ENO4: variants seen among roughly 807,000 people sequenced by gnomAD.
ENO4 encodes the protein 2-phospho-D-glycerate hydro-lyase.
In ENO4, 53 loss-of-function variants were observed where a neutral mutation model predicts 63.2. The observed-to-expected ratio is 0.84, with a 90% CI of 0.67 to 1.05. The LOEUF (loss-of-function observed/expected upper bound fraction) is 1.05, where lower values mean the gene tolerates loss of function less well. Ranked by LOEUF, ENO4 falls within the 50% of genes least tolerant of loss-of-function variation. The pLI is 0.00. For missense variants in ENO4, 719 were observed against 772.0 expected (o/e 0.93, Z 0.81); for synonymous variants, 266 against 283.8 (o/e 0.94, Z 0.63).
chr10:116,879,914 C>T lies in ENO4; in HGVS notation c.1651C>T (p.Arg551Cys). The T allele has an allele frequency of 6.4e-7, 1 of 1,550,570 alleles. No individual in the cohort carries two copies. Among genetic ancestry groups the T allele is most frequent in the Non-Finnish European group, 8.7e-7 (1 of 1,146,968 alleles). The change falls in exon 13 of 14, where the codon CGT becomes TGT. Residue 551 changes from arginine to cysteine, a missense_variant. Physicochemically the swap from Arg to Cys is radical, Grantham distance 180 (BLOSUM62 -3). This residue lies in a region of ENO4 where 168 missense variants were observed against 163.3 expected (regional missense o/e 1.03). Transcript: ENST00000341276. Reference sequence around the variant, plus strand: ...GTTCATCAAGTTGGGGGGTCTTTCCCGTGGTGAACGAGTGACTAAATACAA... The same window carrying T: ...GTTCATCAAGTTGGGGGGTCTTTCCTGTGGTGAACGAGTGACTAAATACAA... ...VRFIKLGGLS[R>C]GERVTKYNRL...
chr10:116,850,842 A>G (rs1006890359), intron 1 of ENO4, among the ~76,000 whole-genome samples: 27 of 152,184 alleles, frequency 1.8e-4, no homozygotes, highest in Admixed American at 1.7e-3. Flanking sequence ...AGTGCAATTT[A>G]AATGATTTTC....
rs189366738 is a variant in ENO4, at chr10:116,898,762, C to A, written c.1195-12737C>A. 4.4e-3 allele frequency among the ~76,000 whole-genome samples: 660 copies of A among 151,206 alleles called. 5 individuals carry two copies. The highest frequency in any genetic ancestry group is 0.013 in the African/African-American group (551 of 41,130). ...TCTTAAAAACAAACAAACAAACAAA[C>A]AAAAAAAACACCCTTGCTTTGCATA... On this transcript the variant is annotated intron_variant, in intron 10 of 10. Coordinates refer to the ENO4 transcript ENST00000369207.
chr10:116,904,695 G>A (rs1426621152), intron 10 of ENO4, among the ~76,000 whole-genome samples: 1 of 152,054 alleles, frequency 6.6e-6, no homozygotes, highest in Non-Finnish European at 1.5e-5. Context: ...GTTCCTTTCT[G>A]TACTCTGAAT....
intron 10 of ENO4, chr10:116,907,957 T>G (rs758316491): frequency 5.9e-6 from 3 of 511,126 alleles, no homozygotes; most frequent in South Asian, 2.9e-5. Flanking sequence ...TAAAAATGGT[T>G]GTTTTAGCCA....
At chr10:116,863,270 T>G (rs890092707) in intron 7 of ENO4, among the ~76,000 whole-genome samples, 1 of 151,940 alleles carries the variant, frequency 6.6e-6, no homozygotes, top group East Asian at 1.9e-4. Context: ...AGTCGCCAGT[T>G]GTCCCATCAT....
At chr10:116,884,262 G>A (rs776411768), downstream of ENO4, 94 of 459,266 alleles carry the variant, frequency 2.0e-4, 5 homozygotes, top group South Asian at 1.4e-3. Flanking sequence ...GGTTGACAGT[G>A]TCACCCCAGC....
chr10:116,878,806 C>G (rs375047737), intron 11 of ENO4, among the ~76,000 whole-genome samples: 2 of 137,312 alleles, frequency 1.5e-5, no homozygotes, highest in East Asian at 2.1e-4. Flanking sequence ...TGCAGTGGCG[C>G]GATCTCAGCT....
At chr10:116,857,924 A>C (rs1846312164) in intron 3 of ENO4, among the ~76,000 whole-genome samples, 1 of 152,240 alleles carries the variant, frequency 6.6e-6, no homozygotes, top group African/African-American at 2.4e-5. Flanking sequence ...GGCATGAGCC[A>C]CTGCGCCCAG....
intron 10 of ENO4, among the ~76,000 whole-genome samples, chr10:116,907,454 C>T (rs1383126096): frequency 6.6e-6 from 1 of 152,142 alleles, no homozygotes; most frequent in African/African-American, 2.4e-5. Flanking sequence ...AATCTGTACT[C>T]CTGCTGAAAC....
At chr10:116,900,362 A>C (rs1847688715) in intron 10 of ENO4, 2 of 619,836 alleles carry the variant, frequency 3.2e-6, no homozygotes, top group Admixed American at 5.6e-5. Flanking sequence ...TATGGCATCT[A>C]ACAACTGTGT....
chr10:116,892,787 A>C (rs933545881), intron 10 of ENO4, among the ~76,000 whole-genome samples: 17 of 152,172 alleles, frequency 1.1e-4, no homozygotes, highest in Non-Finnish European at 1.6e-4. Context: ...CTGACATTGC[A>C]TTTGAGTTTT....
chr10:116,885,411 A>G (rs1021459111), downstream of ENO4: 1 of 152,548 alleles, frequency 6.6e-6, no homozygotes, highest in Non-Finnish European at 1.5e-5. Context: ...AGCCTGAAAC[A>G]TTGTATTTTT....
rs1284139556 is a variant in ENO4, at chr10:116,874,226, TATAAC to T, written c.1341+29_1341+33del. ...GGTAAGCACCCCACCTTCCATATTT[TATAAC>T]ATATTTTATATGCCATAAGATAGGC... On this transcript the variant is annotated intron_variant, in intron 10 of 13. Transcript: ENST00000341276. 4.0e-6 allele frequency: 6 copies of T among 1,509,058 alleles called. No individual in the cohort carries two copies. In the African/African-American group the frequency reaches 6.9e-5, roughly 17 times the overall value. 93.5% of individuals were successfully genotyped at this position (1,509,058 alleles called of 1,614,324 possible).
intron 1 of ENO4, among the ~76,000 whole-genome samples, chr10:116,850,632 C>CA (rs1564841650): frequency 6.6e-6 from 1 of 151,900 alleles, no homozygotes; most frequent in Non-Finnish European, 1.5e-5. Context: ...TGTCAGGGTG[C>CA]AAAACCACGT....
At chr10:116,888,474 A>G (rs567506717) in intron 10 of ENO4, among the ~76,000 whole-genome samples, 1 of 152,340 alleles carries the variant, frequency 6.6e-6, no homozygotes, top group African/African-American at 2.4e-5. Context: ...CTGGGCCTGC[A>G]GTCAGCTGTT....
chr10:116,902,689 T>C (rs936678553), intron 10 of ENO4, among the ~76,000 whole-genome samples: 2 of 152,212 alleles, frequency 1.3e-5, no homozygotes, highest in African/African-American at 4.8e-5. Flanking sequence ...CAAAGCATGA[T>C]TCTAGTAAGT....
chr10:116,881,414 A>G (rs755229471), intron 13 of ENO4, 101 bp from the exon 14 acceptor site: 5 of 855,380 alleles, frequency 5.8e-6, no homozygotes, highest in Non-Finnish European at 1.8e-6. Context: ...GTGATGTGAC[A>G]CCTTTGGACT....
chr10:116,893,797 G>C (rs540397056), intron 10 of ENO4, among the ~76,000 whole-genome samples: 6 of 152,060 alleles, frequency 3.9e-5, no homozygotes, highest in Non-Finnish European at 8.8e-5. Flanking sequence ...TAATTAGTTT[G>C]AGAGAATAAT....
Position 116,849,698 on chromosome 10 carries a change from C to A in ENO4, c.132C>A (p.Phe44Leu). 6.5e-7 allele frequency: 1 copy of A among 1,543,156 alleles called. No individual in the cohort carries two copies. Among genetic ancestry groups the A allele is most frequent in the South Asian group, 1.2e-5 (1 of 82,984 alleles). Residue 44 changes from phenylalanine to leucine, a missense_variant, in exon 1 of 14, where the codon TTC (phenylalanine) becomes TTA (leucine). This residue lies in a region of ENO4 where 544 missense variants were observed against 583.6 expected (regional missense o/e 0.93). Coordinates refer to ENST00000341276, the MANE Select transcript of ENO4 (RefSeq NM_001242699.2). ...TGGAAGAGCTGCTCAACTCCACCTT[C>A]TACCTCCAGCCTGCCGACGTCTACG... ...RRLEELLNSTFYLQPADVYGH... is the reference protein window; with the variant it reads ...RRLEELLNSTLYLQPADVYGH...
Sources: allele counts gnomAD v4.1 joint callset (sites outside exome capture counted in the v4.1 genomes callset), GRCh38; gene constraint gnomAD v4.1.1; regional missense constraint gnomAD v4.1.1; transcripts MANE v1.5; gene names NCBI Gene and HGNC (gene_info 2026-07-23, HGNC 2026-07-21).